SLC19A1: variants seen among roughly 807,000 people sequenced by gnomAD.
SLC19A1 encodes solute carrier family 19 member 1, also known as reduced folate transporter.
Under a neutral mutation model 35.3 loss-of-function variants are expected in SLC19A1, and 37 were observed. The observed-to-expected ratio is 1.05, with a 90% CI of 0.81 to 1.38. The LOEUF (loss-of-function observed/expected upper bound fraction) is 1.38, where lower values mean the gene tolerates loss of function less well. SLC19A1 is among the 40% of genes most tolerant of loss of function. The pLI, the probability that SLC19A1 is intolerant of heterozygous loss-of-function variation, is 0.00. For synonymous variants in SLC19A1, 460 were observed against 398.5 expected, an observed-to-expected ratio of 1.15 and a Z score of -1.84; for missense variants, 831 against 826.9, an observed-to-expected ratio of 1.00 and a Z score of -0.06.
chr21:45,532,671 G>A (rs1349378549), intron 2 of SLC19A1, among the ~76,000 whole-genome samples: 1 of 152,170 alleles, frequency 6.6e-6, no homozygotes, highest in Admixed American at 6.5e-5. Flanking sequence ...CTGACCTCAG[G>A]TGATCTGCCC....
rs796196943 is a variant in SLC19A1 at position 45,503,665 on chromosome 21, T to C, written c.498-5053A>G. 8.4e-3 allele frequency among the ~76,000 whole-genome samples: 1,224 copies of C among 146,108 alleles called. 12 individuals carry two copies. The highest frequency in any genetic ancestry group is 0.023 in the African/African-American group (930 of 39,690). ...GTGGGGGGAGGGGGGAGGGATAGCA[T>C]TGGGAGATATACCTAATGCTAGATG... On this transcript the variant is annotated intron_variant, in intron 3 of 4. Coordinates refer to the SLC19A1 transcript ENST00000417954.
At chr21:45,519,909 T>C (rs184566168) in intron 5 of SLC19A1, among the ~76,000 whole-genome samples, 43 of 152,304 alleles carry the variant, frequency 2.8e-4, no homozygotes, top group Non-Finnish European at 5.0e-4. Flanking sequence ...AAGCAGAATA[T>C]ACATTCTTTC....
chr21:45,562,321 A>G (rs902695077), intron 1 of SLC19A1, among the ~76,000 whole-genome samples: 15 of 152,110 alleles, frequency 9.9e-5, no homozygotes, highest in Non-Finnish European at 1.6e-4. Flanking sequence ...CATTCACCAC[A>G]TCGGCATCGT....
chr21:45,547,604 C>A (rs994169468), upstream of SLC19A1, among the ~76,000 whole-genome samples: 9 of 152,174 alleles, frequency 5.9e-5, no homozygotes, highest in African/African-American at 1.9e-4. Context: ...CTCTTTCAAC[C>A]AATTGCCAAT....
At chr21:45,512,347 C>T (rs763139204), downstream of SLC19A1, 62 of 1,612,658 alleles carry the variant, frequency 3.8e-5, no homozygotes, top group Admixed American at 1.7e-4. Context: ...GCTGCCATCA[C>T]GCCTACATCG....
chr21:45,515,522 G>A lies in SLC19A1; in HGVS notation c.*136C>T. ...GTGGCCACCGCCAGAGTGCGGCACAGGGCAGGGGGAATCCTAGGGGGCCTG... is the reference window on the plus strand; with the variant it reads ...GTGGCCACCGCCAGAGTGCGGCACAAGGCAGGGGGAATCCTAGGGGGCCTG... On this transcript the variant is annotated 3_prime_UTR_variant, in exon 6 of 6. Coordinates refer to ENST00000311124, the MANE Select transcript of SLC19A1 (RefSeq NM_194255.4). 1.3e-6 allele frequency: 2 copies of A among 1,527,348 alleles called. No individual in the cohort carries two copies. The highest frequency in any genetic ancestry group is 1.7e-6 in the Non-Finnish European group (2 of 1,151,816). The allele number at this position is 1,527,348 out of a possible 1,614,324, so 94.6% of individuals were successfully genotyped here. A position where few individuals can be genotyped will look rare whatever the true frequency, so the allele number is the denominator to read the frequency against.
chr21:45,505,428 AG>A (rs2146083401), intron 3 of SLC19A1: 2 of 1,539,204 alleles, frequency 1.3e-6, no homozygotes, highest in Non-Finnish European at 8.9e-7. Flanking sequence ...GCGCCTCCTC[AG>A]GGGTAAGTGT....
At position 45,504,567 on chromosome 21, in the gene SLC19A1, G is replaced by A. The variant is rs749791226; in HGVS notation, c.498-5955C>T. On this transcript the variant is annotated intron_variant, in intron 3 of 4. Coordinates refer to the SLC19A1 transcript ENST00000417954. Reference sequence around the variant, plus strand: ...TACCCTGGGATTCCAGTAAGTCCCAGCCTGTGCAGGCAGAGCCCATGTCCC... The same window carrying A: ...TACCCTGGGATTCCAGTAAGTCCCAACCTGTGCAGGCAGAGCCCATGTCCC... 27 of 1,565,908 alleles carry A rather than the reference G, an allele frequency of 1.7e-5. No individual in the cohort carries two copies. The highest frequency in any genetic ancestry group is 4.8e-5 in the East Asian group (2 of 42,014).
intron 3 of SLC19A1, chr21:45,504,630 C>CGGCCTT: frequency 7.4e-7 from 1 of 1,354,678 alleles, no homozygotes; most frequent in Non-Finnish European, 1.0e-6. Flanking sequence ...AGGTCCAGCC[C>CGGCCTT]GGCCTTCGAC....
chr21:45,532,604 T>C (rs2077971949), intron 2 of SLC19A1, among the ~76,000 whole-genome samples: 1 of 135,772 alleles, frequency 7.4e-6, no homozygotes, highest in African/African-American at 2.6e-5. Flanking sequence ...TGGCTAATTT[T>C]TGTATTTTTA....
chr21:45,551,162 G>C (rs917115887), intron 1 of SLC19A1, among the ~76,000 whole-genome samples: 2 of 151,712 alleles, frequency 1.3e-5, no homozygotes, highest in Non-Finnish European at 2.9e-5. Context: ...GCTGAGGCAG[G>C]AGAATAGCTT....
chr21:45,545,848 A>G (rs916925996), upstream of SLC19A1, among the ~76,000 whole-genome samples: 3 of 152,160 alleles, frequency 2.0e-5, no homozygotes, highest in Non-Finnish European at 4.4e-5. Flanking sequence ...TTGCTGAATG[A>G]CAGGTGCTTC....
At chr21:45,510,175 C>G, downstream of SLC19A1, 1 of 1,596,638 alleles carries the variant, frequency 6.3e-7, no homozygotes, top group Non-Finnish European at 8.5e-7. Context: ...GGGCACCTTC[C>G]GCGCCTTCCT....
rs925958449 is a variant in SLC19A1 at position 45,506,908 on chromosome 21, A to G, written c.498-8296T>C. On this transcript the variant is annotated intron_variant, in intron 3 of 4. Coordinates refer to the SLC19A1 transcript ENST00000417954. The stretch of plus-strand genomic sequence containing the variant: ...CCCACTCCAGTCCCTTCATCTGGCC[A>G]GGGAGAGGCTGCCAGTCTCATAGCA... 33 of 216,224 alleles carry G rather than the reference A, an allele frequency of 1.5e-4. 1 individual carries two copies. The highest frequency in any genetic ancestry group is 3.8e-5 in the Non-Finnish European group (4 of 104,878). The allele number at this position is 216,224 out of a possible 1,614,324, so 13.4% of individuals were successfully genotyped here.
downstream of SLC19A1, chr21:45,507,713 C>T (rs1182046051): frequency 4.3e-6 from 4 of 927,298 alleles, no homozygotes; most frequent in African/African-American, 1.6e-5. Flanking sequence ...ACATGTGGCT[C>T]ACCATCAGCC....
chr21:45,530,979 G>A lies in SLC19A1; in HGVS notation c.950-8C>T. ...CGAAGGACGTGATGGCGCCTGAGAGGGGAGGGATGGGGCGTTGCAGCGGCC... is the reference window on the plus strand; with the variant it reads ...CGAAGGACGTGATGGCGCCTGAGAGAGGAGGGATGGGGCGTTGCAGCGGCC... On this transcript the variant is annotated splice_polypyrimidine_tract_variant and splice_region_variant and intron_variant, in intron 3 of 5. Transcript: ENST00000311124. This position sits in a 1 kb window ranked among gnomAD's most constrained non-coding sequence, Gnocchi z 5.3. 1 of 1,444,276 alleles carries A rather than the reference G, an allele frequency of 6.9e-7. No individual in the cohort carries two copies. The allele number at this position is 1,444,276 out of a possible 1,614,324, so 89.5% of individuals were successfully genotyped here.
In SLC19A1 at chr21:45,530,851, C is replaced by A; in HGVS notation, c.1070G>T (p.Arg357Leu). Residue 357 changes from arginine to leucine, a missense_variant, in exon 4 of 6, where the codon CGC becomes CTC. By Grantham distance (102) the Arg-to-Leu change is moderately radical (BLOSUM62 -2). Transcript: ENST00000311124. This position sits in a 1 kb window ranked among gnomAD's most constrained non-coding sequence, Gnocchi z 5.3. The stretch of plus-strand genomic sequence containing the variant: ...GCACAGCCAGATGCTGCTCGGGTGG[C>A]GCGTGTGCGCCAGAAGGAAGACCAG... ...AGLVFLLAHT[R>L]HPSSIWLCYA... The A allele has an allele frequency of 6.7e-7, 1 of 1,503,372 alleles. No individual in the cohort carries two copies. The highest frequency in any genetic ancestry group is 8.9e-7 in the Non-Finnish European group (1 of 1,125,486). The allele number at this position is 1,503,372 out of a possible 1,614,324, so 93.1% of individuals were successfully genotyped here.
Position 45,525,779 on chromosome 21 carries a change from C to A in SLC19A1, c.1293+38G>T, listed in dbSNP as rs371610150. The A allele has an allele frequency of 4.4e-5, 70 of 1,606,444 alleles. No individual in the cohort carries two copies. In the Admixed American group the frequency reaches 6.2e-4, roughly 14 times the overall value. On this transcript the variant is annotated intron_variant, in intron 5 of 5. Transcript: ENST00000311124. ...GCCTCAACAATGTCCCCACAAGTAG[C>A]TTCCATCCCCGAGGACGCAGGCCTG...
At chr21:45,527,463 C>T (rs1209591816) in intron 4 of SLC19A1, among the ~76,000 whole-genome samples, 6 of 125,552 alleles carry the variant, frequency 4.8e-5, no homozygotes, top group Admixed American at 2.4e-4. Flanking sequence ...CCAGGCAGGG[C>T]GGGCCCTGGA....
Sources: gnomAD v4.1 joint callset for allele counts (sites outside exome capture counted in the v4.1 genomes callset) on GRCh38, gnomAD v4.1.1 for gene constraint, Gnocchi (gnomAD v3.1) non-coding constraint, MANE v1.5 for transcripts, NCBI Gene and HGNC (gene_info 2026-07-23, HGNC 2026-07-21) for gene names.